The following GRID2 variants were observed in gnomAD, a reference collection of about 807,000 sequenced individuals.
The protein encoded by GRID2 is glutamate receptor ionotropic, delta-2.
A neutral mutation model predicts 114.8 loss-of-function variants in GRID2; 33 were observed. The ratio of observed to expected loss-of-function variants is 0.29; its 90% CI spans 0.22 to 0.38. GRID2 has a LOEUF of 0.38. GRID2 is among the 10% of genes least tolerant of loss of function. GRID2 has a pLI of 1.00. For missense variants in GRID2, 1,184 were observed against 1,257.7 expected, an observed-to-expected ratio of 0.94 and a Z score of 0.89; for synonymous variants, 505 against 449.9, an observed-to-expected ratio of 1.12 and a Z score of -1.55.
chr4:92,642,526 G>A (rs1348226699), intron 2 of GRID2, among the ~76,000 whole-genome samples: 1 of 151,722 alleles, frequency 6.6e-6, no homozygotes, highest in Non-Finnish European at 1.5e-5. Context: ...TGATTCCGGA[G>A]ATGAGACCTT....
At chr4:93,049,671 GA>G (rs1396016726) in intron 2 of GRID2, among the ~76,000 whole-genome samples, 40 of 151,856 alleles carry the variant, frequency 2.6e-4, no homozygotes, top group Non-Finnish European at 2.9e-5. Flanking sequence ...CCAGGGAAAT[GA>G]AAAATATTTG....
At chr4:93,611,143 GT>G (rs1383871813) in intron 13 of GRID2, among the ~76,000 whole-genome samples, 1 of 104,844 alleles carries the variant, frequency 9.5e-6, no homozygotes, top group African/African-American at 4.4e-5. Flanking sequence ...TTGTATTTCT[GT>G]GGGATCGGTG....
At chr4:92,908,182 T>C (rs922290095) in intron 2 of GRID2, among the ~76,000 whole-genome samples, 4 of 152,178 alleles carry the variant, frequency 2.6e-5, no homozygotes, top group African/African-American at 9.6e-5. Flanking sequence ...CTAATCTGAT[T>C]TTGTTAATAG....
intron 2 of GRID2, among the ~76,000 whole-genome samples, chr4:92,925,307 G>T (rs1749722340): frequency 1.3e-5 from 2 of 152,010 alleles, no homozygotes. Context: ...AGAGTGAAGA[G>T]AATCATTTCA....
At chr4:92,416,177 ATGTT>A (rs1443390393) in intron 1 of GRID2, among the ~76,000 whole-genome samples, 6 of 151,848 alleles carry the variant, frequency 4.0e-5, no homozygotes, top group Non-Finnish European at 7.4e-5. Flanking sequence ...TTTTTTTCAT[ATGTT>A]TGTTGGCTAT....
intron 4 of GRID2, among the ~76,000 whole-genome samples, chr4:93,174,316 G>A (rs538609002): frequency 8.6e-5 from 13 of 151,944 alleles, no homozygotes; most frequent in Non-Finnish European, 1.6e-4. Flanking sequence ...ATTTACTTTC[G>A]ATCTCCATAA....
At chr4:93,351,412 A>T (rs1760795451) in intron 8 of GRID2, among the ~76,000 whole-genome samples, 1 of 152,052 alleles carries the variant, frequency 6.6e-6, no homozygotes, top group African/African-American at 2.4e-5. Context: ...AACAAAATGG[A>T]TTAGCCTTTG....
At chr4:93,206,591 T>TACACACACACACACAC (rs5860312) in intron 4 of GRID2, among the ~76,000 whole-genome samples, 51 of 143,042 alleles carry the variant, frequency 3.6e-4, no homozygotes, top group African/African-American at 1.3e-3. Context: ...CTGCCCCTAC[T>TACACACACACACACAC]ACACACACAC....
At chr4:92,533,334 A>G (rs541148041) in intron 1 of GRID2, among the ~76,000 whole-genome samples, 80 of 152,202 alleles carry the variant, frequency 5.3e-4, no homozygotes, top group Non-Finnish European at 9.1e-4. Flanking sequence ...AAAAGCTTTC[A>G]TCTTTCTTAG....
intron 14 of GRID2, among the ~76,000 whole-genome samples, chr4:93,752,755 C>T (rs1426592324): frequency 6.6e-6 from 1 of 152,174 alleles, no homozygotes; most frequent in Non-Finnish European, 1.5e-5. Context: ...TTTCCTAAAC[C>T]TTATCCACAC....
chr4:92,916,398 T>C (rs1178219831), intron 2 of GRID2, among the ~76,000 whole-genome samples: 3 of 152,136 alleles, frequency 2.0e-5, no homozygotes, highest in African/African-American at 2.4e-5. Context: ...TTAGGGTATA[T>C]GTGCACAACT....
chr4:92,357,114 T>C (rs1728366459), intron 1 of GRID2, among the ~76,000 whole-genome samples: 1 of 151,718 alleles, frequency 6.6e-6, no homozygotes, highest in Non-Finnish European at 1.5e-5. Flanking sequence ...AAACTTTGGA[T>C]CAAGTGTCTG....
intron 2 of GRID2, among the ~76,000 whole-genome samples, chr4:92,782,369 A>G (rs912329523): frequency 2.0e-5 from 3 of 152,072 alleles, no homozygotes; most frequent in Non-Finnish European, 4.4e-5. Flanking sequence ...TAAACCTACA[A>G]AGGCTTTACT....
intron 2 of GRID2, among the ~76,000 whole-genome samples, chr4:92,956,462 T>C (rs980994924): frequency 4.6e-5 from 7 of 152,262 alleles, no homozygotes; most frequent in African/African-American, 1.2e-4. Flanking sequence ...GAATGTGATA[T>C]ACTCATTTAT....
chr4:93,117,039 T>A (rs764815609), intron 4 of GRID2, among the ~76,000 whole-genome samples: 1 of 152,198 alleles, frequency 6.6e-6, no homozygotes, highest in African/African-American at 2.4e-5. Context: ...TATTCACTTA[T>A]GAAAATGTAT....
At chr4:92,311,392 G>A (rs972431970) in intron 1 of GRID2, among the ~76,000 whole-genome samples, 5 of 151,996 alleles carry the variant, frequency 3.3e-5, no homozygotes, top group Non-Finnish European at 4.4e-5. Context: ...AGTTGACCCC[G>A]AAAGCTTCTT....
intron 9 of GRID2, among the ~76,000 whole-genome samples, chr4:93,408,027 C>T (rs1441295164): frequency 1.3e-5 from 2 of 151,980 alleles, no homozygotes; most frequent in Non-Finnish European, 2.9e-5. Context: ...GTGTTCTGAG[C>T]CAAATGTAAT....
At chr4:92,901,609 T>G (rs1456715906) in intron 2 of GRID2, among the ~76,000 whole-genome samples, 2 of 152,158 alleles carry the variant, frequency 1.3e-5, no homozygotes. Context: ...TTCTAGAATA[T>G]TTATAGTTTC....
chr4:93,549,186 T>C lies in GRID2; in HGVS notation c.2193+33775T>C, dbSNP rs1284087787. 2.0e-5 allele frequency among the ~76,000 whole-genome samples: 3 copies of C among 152,268 alleles called. No individual in the cohort carries two copies. In the East Asian group the frequency reaches 5.8e-4, roughly 29 times the overall value. ...TGAGCTATCATTTCACCAAAACATG[T>C]CAAACCAAGATCGCACTATTTTTAT... is the stretch of plus-strand genomic sequence containing the variant. On this transcript the variant is annotated intron_variant, in intron 13 of 15. Transcript: ENST00000282020.
Sources: gnomAD v4.1 joint callset for allele counts (sites outside exome capture counted in the v4.1 genomes callset) on GRCh38, gnomAD v4.1.1 for gene constraint, MANE v1.5 for transcripts, NCBI Gene and HGNC (gene_info 2026-07-23, HGNC 2026-07-21) for gene names.